Variants in GRID1 observed in about 807,000 individuals in gnomAD.
The protein encoded by GRID1 is glutamate ionotropic receptor delta type subunit 1.
GRID1 carries 28 observed loss-of-function variants against 98.0 expected under a neutral mutation model. That is an observed-to-expected ratio of 0.29 (90% CI 0.21 to 0.39). The LOEUF (loss-of-function observed/expected upper bound fraction) is 0.39, where lower values mean the gene tolerates loss of function less well. Among genes scored for constraint, GRID1 ranks in the 10% least tolerant of loss-of-function variants. The probability of loss-of-function intolerance (pLI) is 1.00; values close to 1 mark genes in which losing one functional copy is unlikely to be tolerated. For missense variants in GRID1, 1,111 were observed against 1,340.5 expected (o/e 0.83, Z 2.67); for synonymous variants, 553 against 538.5 (o/e 1.03, Z -0.37).
intron 4 of GRID1, among the ~76,000 whole-genome samples, chr10:86,028,479 CAG>C (rs1269560738): frequency 6.6e-6 from 1 of 152,186 alleles, no homozygotes; most frequent in African/African-American, 2.4e-5. Context: ...TACAACAAAA[CAG>C]GTATCTGTTA....
chr10:86,284,710 C>T (rs143522300), intron 2 of GRID1, among the ~76,000 whole-genome samples: 47 of 152,352 alleles, frequency 3.1e-4, no homozygotes, highest in African/African-American at 8.4e-4. Flanking sequence ...GCTAAGAGAG[C>T]GCCCTCAGTA....
chr10:85,679,820 A>C (rs569569591), intron 12 of GRID1, among the ~76,000 whole-genome samples: 1 of 152,340 alleles, frequency 6.6e-6, no homozygotes, highest in African/African-American at 2.4e-5. Context: ...CATCTGTAAC[A>C]GTCAGTGGGG....
At chr10:86,099,632 A>C (rs929339064) in intron 4 of GRID1, among the ~76,000 whole-genome samples, 1 of 152,150 alleles carries the variant, frequency 6.6e-6, no homozygotes, top group Non-Finnish European at 1.5e-5. Flanking sequence ...TGACTCTCAT[A>C]AATTTCCCCA....
chr10:86,034,595 T>C (rs776393539), intron 4 of GRID1, among the ~76,000 whole-genome samples: 1 of 151,952 alleles, frequency 6.6e-6, no homozygotes, highest in Non-Finnish European at 1.5e-5. Flanking sequence ...ACCACACTGC[T>C]TCCCGGGAAC....
At position 85,613,631 on chromosome 10, in the gene GRID1, C is replaced by G. The variant is rs1376055180; in HGVS notation, c.2377G>C (p.Asp793His). The G allele has an allele frequency of 6.2e-7, 1 of 1,613,802 alleles. No homozygotes were observed. The highest frequency in any genetic ancestry group is 8.5e-7 in the Non-Finnish European group (1 of 1,179,760). ...TTCAGCACATCCAGGTCCCCTGTGT[C>G]CTGCAGCTCCAGGATCCTGTAAGAC... ...LFSQRILELQ[D>H]TGDLDVLKQK... Residue 793 changes from aspartate (D) to histidine (H), a missense_variant, in exon 15 of 16, where the codon GAC becomes CAC. Around this residue, in one of 3 missense-constraint regions of GRID1, gnomAD observed 762 missense variants for 869.1 expected, o/e 0.88. Coordinates refer to ENST00000327946, the MANE Select transcript of GRID1 (RefSeq NM_017551.3).
At chr10:86,082,630 T>G (rs1168215038) in intron 4 of GRID1, among the ~76,000 whole-genome samples, 1 of 151,990 alleles carries the variant, frequency 6.6e-6, no homozygotes, top group Non-Finnish European at 1.5e-5. Flanking sequence ...GTTCTGGAGG[T>G]GCCCCGTTTC....
intron 8 of GRID1, among the ~76,000 whole-genome samples, chr10:85,825,233 G>C (rs1842808433): frequency 6.6e-6 from 1 of 152,186 alleles, no homozygotes. Flanking sequence ...AGCCATTCTG[G>C]CTGGGGTAAG....
chr10:86,126,969 G>A (rs925742147), intron 4 of GRID1, among the ~76,000 whole-genome samples: 25 of 152,252 alleles, frequency 1.6e-4, no homozygotes, highest in Admixed American at 1.6e-3. Flanking sequence ...TCACGCCAAA[G>A]GGTGGCTTTA....
At chr10:85,920,773 G>A (rs553263744) in intron 4 of GRID1, among the ~76,000 whole-genome samples, 1 of 152,338 alleles carries the variant, frequency 6.6e-6, no homozygotes, top group East Asian at 1.9e-4. Context: ...GGAGGGAAGG[G>A]GGGCCGGCCT....
intron 5 of GRID1, among the ~76,000 whole-genome samples, chr10:85,869,457 A>C (rs17105914): frequency 0.055 from 8,373 of 152,280 alleles, 310 homozygotes; most frequent in Non-Finnish European, 0.079. Flanking sequence ...TGAAGCTTTT[A>C]GGAACTAATG....
At chr10:85,895,016 A>AATATATATATATATATAT (rs67350023) in intron 5 of GRID1, among the ~76,000 whole-genome samples, 19 of 97,092 alleles carry the variant, frequency 2.0e-4, no homozygotes, top group Non-Finnish European at 3.3e-4. Flanking sequence ...AAAAAAAAAA[A>AATATATATATATATATAT]ATATATATAT....
At chr10:85,648,843 T>G (rs1843229593) in intron 12 of GRID1, among the ~76,000 whole-genome samples, 1 of 152,162 alleles carries the variant, frequency 6.6e-6, no homozygotes, top group South Asian at 2.1e-4. Flanking sequence ...TATGGCAGCA[T>G]GAGCTCACCG....
At chr10:86,141,267 C>T (rs1366405155) in intron 3 of GRID1, among the ~76,000 whole-genome samples, 1 of 152,224 alleles carries the variant, frequency 6.6e-6, no homozygotes, top group Non-Finnish European at 1.5e-5. Context: ...CCCAGAGAGG[C>T]AACTCAGTCT....
At chr10:85,776,047 G>A (rs1485002396) in intron 8 of GRID1, among the ~76,000 whole-genome samples, 1 of 151,970 alleles carries the variant, frequency 6.6e-6, no homozygotes, top group African/African-American at 2.4e-5. Context: ...AGCATTGGTG[G>A]TCTCATTAGT....
intron 13 of GRID1, among the ~76,000 whole-genome samples, chr10:85,634,291 T>TCTCTCTCACACA (rs1162030685): frequency 1.9e-5 from 2 of 102,996 alleles, no homozygotes; most frequent in South Asian, 6.0e-4. Context: ...TCTCTCTCTC[T>TCTCTCTCACACA]CACACACACA....
At chr10:85,839,097 A>C (rs71471178) in intron 8 of GRID1, among the ~76,000 whole-genome samples, 10,463 of 152,314 alleles carry the variant, frequency 0.069, 399 homozygotes, top group Non-Finnish European at 0.082. Context: ...AGATCTAACT[A>C]TCCTAAATAT....
intron 4 of GRID1, among the ~76,000 whole-genome samples, chr10:86,060,050 G>A (rs1030609837): frequency 1.6e-4 from 24 of 152,148 alleles, no homozygotes; most frequent in African/African-American, 5.6e-4. Flanking sequence ...TCAATGCTAC[G>A]CACAGTGGCT....
intron 4 of GRID1, among the ~76,000 whole-genome samples, chr10:85,997,178 G>C (rs1050730215): frequency 1.3e-5 from 2 of 152,190 alleles, no homozygotes; most frequent in African/African-American, 4.8e-5. Flanking sequence ...GAAGAGGGTT[G>C]ATCACAAAGT....
At chr10:85,759,366 G>A (rs980279755) in intron 8 of GRID1, among the ~76,000 whole-genome samples, 5 of 152,148 alleles carry the variant, frequency 3.3e-5, no homozygotes, top group African/African-American at 1.2e-4. Context: ...GTCTGGTCAG[G>A]TGCTGAATGC....
Sources: allele counts gnomAD v4.1 joint callset (sites outside exome capture counted in the v4.1 genomes callset), GRCh38; gene constraint gnomAD v4.1.1; regional missense constraint gnomAD v4.1.1; transcripts MANE v1.5; gene names NCBI Gene and HGNC (gene_info 2026-07-23, HGNC 2026-07-21).